The following SGCD variants were observed in gnomAD, a reference collection of about 807,000 sequenced individuals.
SGCD encodes delta-sarcoglycan.
Under a neutral mutation model 36.6 loss-of-function variants are expected in SGCD, and 18 were observed. The observed-to-expected ratio is 0.49, with a 90% CI of 0.34 to 0.73. The LOEUF is 0.73. Ranked by LOEUF, SGCD falls within the 30% of genes least tolerant of loss-of-function variation. SGCD has a pLI of 0.01. For synonymous variants in SGCD, 133 were observed against 130.6 expected, an observed-to-expected ratio of 1.02 and a Z score of -0.12; for missense variants, 387 against 346.7, an observed-to-expected ratio of 1.12 and a Z score of -0.92.
At chr5:156,643,127 A>C (rs930370975) in intron 6 of SGCD, among the ~76,000 whole-genome samples, 1 of 148,142 alleles carries the variant, frequency 6.8e-6, no homozygotes, top group East Asian at 2.1e-4. Flanking sequence ...CCACCTCCCG[A>C]GTTCAAGGGA....
the SGCD span, among the ~76,000 whole-genome samples, chr5:155,729,437 C>T: frequency 6.6e-6 from 1 of 152,124 alleles, no homozygotes; most frequent in Non-Finnish European, 1.5e-5. Flanking sequence ...GAGAAAGAGA[C>T]AGAGAAAGAG....
chr5:156,254,286 C>T (rs1440103941), intron 3 of SGCD, among the ~76,000 whole-genome samples: 5 of 152,166 alleles, frequency 3.3e-5, no homozygotes, highest in Admixed American at 3.3e-4. Flanking sequence ...AACTTAGTTA[C>T]ATATGTATAC....
At chr5:155,826,472 C>T in the SGCD span, among the ~76,000 whole-genome samples, 2 of 152,186 alleles carry the variant, frequency 1.3e-5, no homozygotes, top group Non-Finnish European at 2.9e-5. Flanking sequence ...GCATCTCTCA[C>T]TCTTCCCACT....
intron 6 of SGCD, among the ~76,000 whole-genome samples, chr5:156,604,438 T>C (rs903449087): frequency 4.6e-5 from 7 of 151,964 alleles, no homozygotes; most frequent in African/African-American, 1.7e-4. Flanking sequence ...TTTACCTCTG[T>C]GGTGTGGTGG....
chr5:156,151,944 G>A (rs1762844449), intron 3 of SGCD, among the ~76,000 whole-genome samples: 1 of 151,206 alleles, frequency 6.6e-6, no homozygotes, highest in South Asian at 2.1e-4. Flanking sequence ...GAAGGGAAGG[G>A]AAAAGAGAAG....
chr5:155,978,935 A>C (rs1398440179), intron 1 of SGCD, among the ~76,000 whole-genome samples: 1 of 152,180 alleles, frequency 6.6e-6, no homozygotes, highest in Non-Finnish European at 1.5e-5. Flanking sequence ...GGTTTTAAAA[A>C]ACTGTCCTCT....
intron 1 of SGCD, among the ~76,000 whole-genome samples, chr5:156,102,814 G>C (rs1761551382): frequency 6.6e-6 from 1 of 151,984 alleles, no homozygotes; most frequent in Non-Finnish European, 1.5e-5. Flanking sequence ...CTATGATTGG[G>C]TGTGTGCGTA....
chr5:156,384,944 A>G (rs577446500), intron 3 of SGCD, among the ~76,000 whole-genome samples: 1 of 152,240 alleles, frequency 6.6e-6, no homozygotes, highest in East Asian at 1.9e-4. Flanking sequence ...TCAAGGATGG[A>G]CTCAGGCAGG....
chr5:156,210,767 G>C (rs1764418713), intron 3 of SGCD, among the ~76,000 whole-genome samples: 1 of 151,918 alleles, frequency 6.6e-6, no homozygotes, highest in South Asian at 2.1e-4. Flanking sequence ...ATACAGTAAG[G>C]TCATTGAAAA....
chr5:156,615,014 A>C (rs1248941744), intron 6 of SGCD, among the ~76,000 whole-genome samples: 1 of 152,232 alleles, frequency 6.6e-6, no homozygotes, highest in Non-Finnish European at 1.5e-5. Flanking sequence ...AATTAGGCTT[A>C]TAACTTGGCC....
intron 6 of SGCD, among the ~76,000 whole-genome samples, chr5:156,618,096 G>A (rs551510370): frequency 6.6e-6 from 1 of 152,244 alleles, no homozygotes; most frequent in South Asian, 2.1e-4. Context: ...GTACGCAGAA[G>A]GAAGCATGAG....
the SGCD span, among the ~76,000 whole-genome samples, chr5:155,860,009 A>G: frequency 6.6e-6 from 1 of 152,226 alleles, no homozygotes; most frequent in Non-Finnish European, 1.5e-5. Flanking sequence ...CTATCAGGAC[A>G]TCTCTAGAGG....
chr5:156,041,860 AAAGGC>A (rs1384163072), intron 1 of SGCD, among the ~76,000 whole-genome samples: 3 of 152,216 alleles, frequency 2.0e-5, no homozygotes, highest in Non-Finnish European at 1.5e-5. Context: ...ACAACTTCAC[AAAGGC>A]AGTGAGTGAC....
chr5:156,516,766 G>A (rs1757193845), intron 4 of SGCD, among the ~76,000 whole-genome samples: 1 of 152,166 alleles, frequency 6.6e-6, no homozygotes, highest in Non-Finnish European at 1.5e-5. Context: ...GGAGGCCGAG[G>A]CACATGGATC....
intron 1 of SGCD, among the ~76,000 whole-genome samples, chr5:156,033,144 G>A (rs541516438): frequency 6.6e-6 from 1 of 152,044 alleles, no homozygotes; most frequent in East Asian, 1.9e-4. Context: ...AAATTTGTCT[G>A]TTTCTTCATT....
chr5:155,759,127 C>G, the SGCD span, among the ~76,000 whole-genome samples: 2 of 152,090 alleles, frequency 1.3e-5, no homozygotes, highest in Non-Finnish European at 2.9e-5. Flanking sequence ...CAGGCATGAG[C>G]CACCACACCT....
the SGCD span, among the ~76,000 whole-genome samples, chr5:155,780,925 C>T: frequency 3.0e-3 from 450 of 152,226 alleles, 4 homozygotes; most frequent in African/African-American, 9.1e-3. Context: ...TTGTAATTAT[C>T]ACACCACTGA....
At chr5:155,792,889 A>G in the SGCD span, among the ~76,000 whole-genome samples, 9 of 152,296 alleles carry the variant, frequency 5.9e-5, no homozygotes, top group East Asian at 1.2e-3. Flanking sequence ...TGACCTAACA[A>G]TCCTATTACT....
At chr5:156,741,140 G>A (rs1269138946) in intron 7 of SGCD, among the ~76,000 whole-genome samples, 1 of 152,098 alleles carries the variant, frequency 6.6e-6, no homozygotes, top group Non-Finnish European at 1.5e-5. Context: ...AAAAGCCATT[G>A]TCTCCATTCT....
Sources: gnomAD v4.1 joint callset for allele counts (sites outside exome capture counted in the v4.1 genomes callset) on GRCh38, gnomAD v4.1.1 for gene constraint, MANE v1.5 for transcripts, NCBI Gene and HGNC (gene_info 2026-07-23, HGNC 2026-07-21) for gene names.